LRBA: variants seen among roughly 807,000 people sequenced by gnomAD.
LRBA encodes lipopolysaccharide-responsive and beige-like anchor protein.
LRBA carries 176 observed loss-of-function variants against 330.0 expected under a neutral mutation model. The observed-to-expected ratio is 0.53, with a 90% CI of 0.47 to 0.60. The LOEUF is 0.60. LRBA is among the 20% of genes least tolerant of loss of function. The pLI is 0.00. For missense variants in LRBA, 3,259 were observed against 3,444.8 expected, an observed-to-expected ratio of 0.95 and a Z score of 1.35; for synonymous variants, 1,230 against 1,193.0, an observed-to-expected ratio of 1.03 and a Z score of -0.64.
At chr4:150,835,661 G>C (rs1419453695) in intron 28 of LRBA, among the ~76,000 whole-genome samples, 1 of 152,146 alleles carries the variant, frequency 6.6e-6, no homozygotes, top group East Asian at 1.9e-4. Flanking sequence ...TGTATCCTGA[G>C]ACTTTGCTGA....
intron 48 of LRBA, among the ~76,000 whole-genome samples, chr4:150,327,848 C>T (rs1581024367): frequency 6.6e-6 from 1 of 152,208 alleles, no homozygotes; most frequent in East Asian, 1.9e-4. Context: ...GGAAGAAATG[C>T]CTCAGGAGTT....
At chr4:150,393,913 T>C (rs912598852) in intron 47 of LRBA, among the ~76,000 whole-genome samples, 1 of 152,216 alleles carries the variant, frequency 6.6e-6, no homozygotes, top group Non-Finnish European at 1.5e-5. Context: ...TTGCAGACAC[T>C]TTTACATAAA....
chr4:150,277,708 C>T lies in LRBA; in HGVS notation c.8468+145G>A, dbSNP rs186030632. On this transcript the variant is annotated intron_variant, in intron 56 of 56. Transcript: ENST00000651943. The stretch of plus-strand genomic sequence containing the variant: ...GTAGAGACAGGGTCTTGCAATGTTG[C>T]CCAGGCTGGCTTCGAACTCCTGGGC... 179 of 826,354 alleles carry T rather than the reference C, an allele frequency of 2.2e-4. No individual in the cohort carries two copies. In the African/African-American group the frequency reaches 2.3e-3, roughly 11 times the overall value. 51.2% of individuals were successfully genotyped at this position (826,354 alleles called of 1,614,324 possible). A position where few individuals can be genotyped will look rare whatever the true frequency, so the allele number is the denominator to read the frequency against.
At chr4:150,312,673 T>C (rs1374642429) in intron 51 of LRBA, among the ~76,000 whole-genome samples, 1 of 152,186 alleles carries the variant, frequency 6.6e-6, no homozygotes, top group African/African-American at 2.4e-5. Context: ...GATCCAATCA[T>C]GCTGTCAATT....
intron 40 of LRBA, among the ~76,000 whole-genome samples, chr4:150,502,295 A>G (rs1025565012): frequency 6.6e-6 from 1 of 152,190 alleles, no homozygotes; most frequent in African/African-American, 2.4e-5. Context: ...TCTAGACTTA[A>G]TGCTGCTCTA....
intron 40 of LRBA, among the ~76,000 whole-genome samples, chr4:150,555,756 AACACACAC>A (rs34497958): frequency 6.2e-5 from 9 of 144,700 alleles, no homozygotes; most frequent in South Asian, 2.3e-4. Context: ...GTCTTATAAA[AACACACAC>A]ACACACACAC....
chr4:150,309,680 T>C (rs894554135), intron 52 of LRBA, among the ~76,000 whole-genome samples: 3 of 152,132 alleles, frequency 2.0e-5, no homozygotes, highest in African/African-American at 7.2e-5. Context: ...AATGAATATA[T>C]AGACTGAAAA....
intron 32 of LRBA, among the ~76,000 whole-genome samples, chr4:150,807,820 T>A (rs555001315): frequency 3.9e-4 from 59 of 152,150 alleles, no homozygotes; most frequent in African/African-American, 1.1e-3. Flanking sequence ...TAATTTTTTT[T>A]AATATTTTTA....
rs1384028260 is a variant in LRBA, at chr4:150,964,546, CAT to C, written c.217-35483_217-35482del. ...ACCCCCAACCCCGTGCTCTCTGAAA[CAT>C]GTGCTGTGTCCACTAAGGGTTAAAT... is the stretch of plus-strand genomic sequence containing the variant. On this transcript the variant is annotated intron_variant, in intron 2 of 56. Coordinates refer to ENST00000651943, the MANE Select transcript of LRBA (RefSeq NM_001364905.1). 1.4e-4 allele frequency among the ~76,000 whole-genome samples: 21 copies of C among 151,222 alleles called. 1 individual carries two copies. Among genetic ancestry groups the C allele is most frequent in the African/African-American group, 4.4e-4 (18 of 40,552 alleles).
chr4:150,342,147 C>CT (rs1205817698), intron 48 of LRBA, among the ~76,000 whole-genome samples: 3 of 151,796 alleles, frequency 2.0e-5, no homozygotes, highest in Non-Finnish European at 2.9e-5. Context: ...TTGAAAATTT[C>CT]TTCTTTCCTT....
At chr4:150,348,695 G>T (rs893136641) in intron 48 of LRBA, among the ~76,000 whole-genome samples, 1 of 151,964 alleles carries the variant, frequency 6.6e-6, no homozygotes, top group African/African-American at 2.4e-5. Context: ...AAAAATAGCT[G>T]GTATATTTGT....
At chr4:150,768,871 A>T (rs1279518306) in intron 34 of LRBA, among the ~76,000 whole-genome samples, 3 of 150,352 alleles carry the variant, frequency 2.0e-5, no homozygotes, top group South Asian at 4.2e-4. Flanking sequence ...TCATAGGAAA[A>T]TTTTTTTAAA....
At chr4:150,746,703 G>C (rs1031674950) in intron 35 of LRBA, among the ~76,000 whole-genome samples, 23 of 151,822 alleles carry the variant, frequency 1.5e-4, no homozygotes, top group African/African-American at 5.6e-4. Flanking sequence ...GTACAGACAG[G>C]GTTTCACCGT....
chr4:150,475,787 T>C (rs946429662), intron 42 of LRBA, among the ~76,000 whole-genome samples: 7 of 151,512 alleles, frequency 4.6e-5, no homozygotes, highest in Non-Finnish European at 7.4e-5. Flanking sequence ...GCCTGTAGTC[T>C]CAGCTACTCA....
At chr4:150,958,435 A>G (rs1454342812) in intron 2 of LRBA, among the ~76,000 whole-genome samples, 1 of 148,438 alleles carries the variant, frequency 6.7e-6, no homozygotes, top group Non-Finnish European at 1.5e-5. Flanking sequence ...AGCCCACAAA[A>G]CCACTTTTTC....
chr4:150,910,618 T>A (rs917128320), intron 9 of LRBA, among the ~76,000 whole-genome samples: 4 of 152,188 alleles, frequency 2.6e-5, no homozygotes, highest in Admixed American at 2.0e-4. Flanking sequence ...TGCAACTTTG[T>A]TCCCCTTTTT....
At chr4:150,653,459 C>G (rs1014614383) in intron 37 of LRBA, among the ~76,000 whole-genome samples, 1 of 152,144 alleles carries the variant, frequency 6.6e-6, no homozygotes, top group Non-Finnish European at 1.5e-5. Flanking sequence ...TTACCTCCTG[C>G]AACCCTTTTT....
chr4:150,409,938 G>A (rs1430035503), intron 47 of LRBA, among the ~76,000 whole-genome samples: 1 of 152,050 alleles, frequency 6.6e-6, no homozygotes, highest in Non-Finnish European at 1.5e-5. Flanking sequence ...AGACATGAGA[G>A]GGAGATACCC....
chr4:150,272,812 AAAAG>A (rs1746299055), intron 56 of LRBA, among the ~76,000 whole-genome samples: 1 of 152,132 alleles, frequency 6.6e-6, no homozygotes, highest in South Asian at 2.1e-4. Context: ...GGACTATGTG[AAAAG>A]ACCAAATCTA....
Sources: gnomAD v4.1 joint callset for allele counts (sites outside exome capture counted in the v4.1 genomes callset) on GRCh38, gnomAD v4.1.1 for gene constraint, MANE v1.5 for transcripts, NCBI Gene and HGNC (gene_info 2026-07-23, HGNC 2026-07-21) for gene names.